The following SDK1 variants were observed in gnomAD, a reference collection of about 807,000 sequenced individuals.
SDK1 encodes sidekick cell adhesion molecule 1.
Under a neutral mutation model 245.5 loss-of-function variants are expected in SDK1, and 157 were observed. The ratio of observed to expected loss-of-function variants is 0.64; its 90% CI spans 0.56 to 0.73. SDK1 has a LOEUF of 0.73. Among genes scored for constraint, SDK1 ranks in the 30% least tolerant of loss-of-function variants. SDK1 has a pLI of 0.00. For synonymous variants in SDK1, 1,647 were observed against 1,278.5 expected (o/e 1.29, Z -6.15); for missense variants, 3,583 against 3,002.3 (o/e 1.19, Z -4.52).
chr7:4,117,296 C>T (rs1371552280), intron 25 of SDK1, among the ~76,000 whole-genome samples: 2 of 151,976 alleles, frequency 1.3e-5, no homozygotes, highest in African/African-American at 4.8e-5. Flanking sequence ...AGTGAGACCC[C>T]ATCTCTACAA....
intron 1 of SDK1, among the ~76,000 whole-genome samples, chr7:3,559,589 G>T (rs1038502495): frequency 6.6e-6 from 1 of 152,072 alleles, no homozygotes; most frequent in Non-Finnish European, 1.5e-5. Context: ...TTCACCACCA[G>T]TGTCTTGCAA....
chr7:3,752,803 T>C (rs1027857677), intron 4 of SDK1, among the ~76,000 whole-genome samples: 2 of 152,252 alleles, frequency 1.3e-5, no homozygotes, highest in African/African-American at 4.8e-5. Context: ...AATGCTTATT[T>C]GTTATTTCTC....
At chr7:3,335,040 T>G (rs968946772) in intron 1 of SDK1, among the ~76,000 whole-genome samples, 1 of 152,200 alleles carries the variant, frequency 6.6e-6, no homozygotes, top group Non-Finnish European at 1.5e-5. Context: ...TTCTCTGCTT[T>G]TAAAACATAC....
At chr7:3,987,126 C>G (rs959846936) in intron 13 of SDK1, 60 bp from the exon 14 acceptor site, 7 of 1,574,138 alleles carry the variant, frequency 4.4e-6, no homozygotes, top group Non-Finnish European at 5.2e-6. Flanking sequence ...AGAGCTCAGG[C>G]TCACCATGGA....
At chr7:3,359,325 C>G (rs1780890739) in intron 1 of SDK1, among the ~76,000 whole-genome samples, 1 of 152,154 alleles carries the variant, frequency 6.6e-6, no homozygotes, top group Non-Finnish European at 1.5e-5. Flanking sequence ...GGTAGATGTC[C>G]TCCATGCTAC....
chr7:3,900,156 C>T (rs774695516), intron 5 of SDK1, among the ~76,000 whole-genome samples: 2 of 152,198 alleles, frequency 1.3e-5, no homozygotes, highest in Non-Finnish European at 2.9e-5. Context: ...TGGTGCTACT[C>T]CTTCTAATCT....
intron 2 of SDK1, among the ~76,000 whole-genome samples, chr7:3,632,727 G>T (rs778461877): frequency 4.6e-5 from 7 of 152,138 alleles, no homozygotes; most frequent in Non-Finnish European, 1.0e-4. Context: ...TGTTTTGAAA[G>T]AACTAAAAAC....
intron 1 of SDK1, among the ~76,000 whole-genome samples, chr7:3,386,600 T>G (rs963604868): frequency 1.3e-5 from 2 of 152,148 alleles, no homozygotes; most frequent in Non-Finnish European, 2.9e-5. Flanking sequence ...CTATAAACAT[T>G]TTCCTTCTGG....
intron 5 of SDK1, among the ~76,000 whole-genome samples, chr7:3,836,233 A>T (rs552740152): frequency 6.6e-6 from 1 of 152,356 alleles, no homozygotes; most frequent in South Asian, 2.1e-4. Flanking sequence ...TTGCTTTACA[A>T]ATGAGCTATA....
chr7:3,789,216 C>T (rs1160035224), intron 4 of SDK1, among the ~76,000 whole-genome samples: 1 of 152,212 alleles, frequency 6.6e-6, no homozygotes, highest in East Asian at 1.9e-4. Flanking sequence ...GGCATGATCT[C>T]AGCTCACCGC....
chr7:4,076,991 T>C lies in SDK1; in HGVS notation c.3011-7T>C. Reference sequence around the variant, plus strand: ...ACCAACACTGGTCTGGTCCTGTTGCTTTCTAGGCTATCAGATCTCTTGGGA... The same window carrying C: ...ACCAACACTGGTCTGGTCCTGTTGCCTTCTAGGCTATCAGATCTCTTGGGA... On this transcript the variant is annotated splice_region_variant and splice_polypyrimidine_tract_variant and intron_variant, in intron 20 of 44. Coordinates refer to ENST00000404826, the MANE Select transcript of SDK1 (RefSeq NM_152744.4). 1 of 1,613,450 alleles carries C rather than the reference T, an allele frequency of 6.2e-7. No homozygotes were observed. The highest frequency in any genetic ancestry group is 2.2e-5 in the East Asian group (1 of 44,864).
At chr7:3,811,971 A>G (rs991571882) in intron 4 of SDK1, among the ~76,000 whole-genome samples, 2 of 152,156 alleles carry the variant, frequency 1.3e-5, no homozygotes, top group Non-Finnish European at 2.9e-5. Context: ...TGGCGTATCT[A>G]CTTTTCCTCT....
Position 4,186,067 on chromosome 7 carries a change from C to T in SDK1, c.5098+7481C>T, listed in dbSNP as rs546930299. 2.0e-5 allele frequency among the ~76,000 whole-genome samples: 3 copies of T among 152,344 alleles called. No individual in the cohort carries two copies. In the East Asian group the frequency reaches 5.8e-4, roughly 29 times the overall value. On this transcript the variant is annotated intron_variant, in intron 35 of 44. Coordinates refer to ENST00000404826, the MANE Select transcript of SDK1 (RefSeq NM_152744.4). ...CTCCTGTTTGCTCTGCAACTACTGT[C>T]CTTTCCCAGGAGCTCTAAAACAGTT... is the stretch of plus-strand genomic sequence containing the variant.
At chr7:3,715,534 G>GC (rs1400341207) in intron 4 of SDK1, among the ~76,000 whole-genome samples, 1 of 152,126 alleles carries the variant, frequency 6.6e-6, no homozygotes, top group Middle Eastern at 3.2e-3. Context: ...CCCACAGGAG[G>GC]CAATAGCAGG....
intron 5 of SDK1, among the ~76,000 whole-genome samples, chr7:3,840,260 G>A (rs778764420): frequency 5.5e-4 from 83 of 152,290 alleles, no homozygotes; most frequent in Non-Finnish European, 1.1e-3. Flanking sequence ...TGGGAGGAGC[G>A]GAAGAGGAGG....
intron 37 of SDK1, among the ~76,000 whole-genome samples, chr7:4,209,660 G>A (rs752220259): frequency 6.6e-5 from 10 of 152,206 alleles, no homozygotes; most frequent in South Asian, 2.1e-4. Flanking sequence ...CCGTCTCTCC[G>A]GCAAAGAGCA....
intron 4 of SDK1, among the ~76,000 whole-genome samples, chr7:3,766,946 G>A (rs538919097): frequency 5.7e-4 from 87 of 152,308 alleles, no homozygotes; most frequent in African/African-American, 2.0e-3. Flanking sequence ...AAGAGAAGTA[G>A]CAATGTTATA....
intron 27 of SDK1, among the ~76,000 whole-genome samples, chr7:4,130,780 T>C (rs1784759245): frequency 6.6e-6 from 1 of 152,136 alleles, no homozygotes; most frequent in Non-Finnish European, 1.5e-5. Flanking sequence ...TTTTCATTAT[T>C]AAACAGACTG....
chr7:3,504,454 T>C (rs927510739), intron 1 of SDK1, among the ~76,000 whole-genome samples: 1 of 152,048 alleles, frequency 6.6e-6, no homozygotes, highest in Non-Finnish European at 1.5e-5. Flanking sequence ...GGTACTGGCA[T>C]AAAGAAAGAC....
Sources: gnomAD v4.1 joint callset for allele counts (sites outside exome capture counted in the v4.1 genomes callset) on GRCh38, gnomAD v4.1.1 for gene constraint, MANE v1.5 for transcripts, NCBI Gene and HGNC (gene_info 2026-07-23, HGNC 2026-07-21) for gene names.